Variants in ADAMTS17 observed in about 807,000 individuals in gnomAD.
The protein encoded by ADAMTS17 is A disintegrin and metalloproteinase with thrombospondin motifs 17.
ADAMTS17 carries 113 observed loss-of-function variants against 141.5 expected under a neutral mutation model. The observed-to-expected ratio is 0.80, with a 90% CI of 0.69 to 0.93. The LOEUF (loss-of-function observed/expected upper bound fraction) is 0.93. Among genes scored for constraint, ADAMTS17 ranks in the 40% least tolerant of loss-of-function variants. The pLI, the probability that ADAMTS17 is intolerant of heterozygous loss-of-function variation, is 0.00. For missense variants in ADAMTS17, 1,659 were observed against 1,517.9 expected (o/e 1.09, Z -1.54); for synonymous variants, 768 against 630.6 (o/e 1.22, Z -3.27).
chr15:100,047,591 A>G (rs1319335301), intron 18 of ADAMTS17, among the ~76,000 whole-genome samples: 3 of 152,096 alleles, frequency 2.0e-5, no homozygotes, highest in African/African-American at 7.2e-5. Flanking sequence ...AGGTTCCCCA[A>G]TAAAAACATG....
At chr15:100,310,157 CA>C (rs1175640988) in intron 3 of ADAMTS17, among the ~76,000 whole-genome samples, 2 of 152,152 alleles carry the variant, frequency 1.3e-5, no homozygotes, top group Middle Eastern at 3.2e-3. Flanking sequence ...CACTCTGCAC[CA>C]ACAAGATGAT....
intron 13 of ADAMTS17, among the ~76,000 whole-genome samples, chr15:100,109,335 ATCTC>A (rs1202655681): frequency 6.6e-6 from 1 of 152,068 alleles, no homozygotes; most frequent in Non-Finnish European, 1.5e-5. Context: ...GCCTTCTCTC[ATCTC>A]TCTATCCTTT....
intron 7 of ADAMTS17, among the ~76,000 whole-genome samples, chr15:100,200,758 A>G (rs8026357): frequency 0.26 from 39,152 of 152,090 alleles, 5,460 homozygotes; most frequent in East Asian, 0.41. Context: ...CATGCCCTGG[A>G]TGGGCTGTGG....
intron 13 of ADAMTS17, among the ~76,000 whole-genome samples, chr15:100,114,673 T>G (rs2037000339): frequency 6.6e-6 from 1 of 152,136 alleles, no homozygotes; most frequent in Non-Finnish European, 1.5e-5. Context: ...GCGGTGGCAC[T>G]CTAGTGACAA....
Position 100,048,904 on chromosome 15 carries a change from G to T in ADAMTS17, c.2544C>A (p.Arg848=), listed in dbSNP as rs2031921390. ...TGCACCTTCGGACCTGGGGCTCTGG[G>T]CGGCTTGCTTGAGGGCAGTCACTGT... The part of the protein sequence containing the change: ...VNDSDCPQAS[R]PEPQVRRCNL... Residue 848 remains arginine, a synonymous_variant, in exon 18 of 22, where the codon CGC becomes CGA. Transcript: ENST00000268070. The T allele has an allele frequency of 6.2e-7, 1 of 1,614,092 alleles. No individual in the cohort carries two copies. The highest frequency in any genetic ancestry group is 1.3e-5 in the African/African-American group (1 of 74,932).
rs112871467 is a variant in ADAMTS17, at chr15:100,089,846, G to C, written c.2137+6510C>G. On this transcript the variant is annotated intron_variant, in intron 15 of 21. Coordinates refer to ENST00000268070, the MANE Select transcript of ADAMTS17 (RefSeq NM_139057.4). ...GGGGACTGTTGTGGGGTTGGGGGAGGGGGGAGGGATAGCATTAGGAGATAT... is the reference window on the plus strand; with the variant it reads ...GGGGACTGTTGTGGGGTTGGGGGAGCGGGGAGGGATAGCATTAGGAGATAT... 3.8e-5 allele frequency among the ~76,000 whole-genome samples: 5 copies of C among 131,046 alleles called. 1 individual carries two copies. The highest frequency in any genetic ancestry group is 8.9e-5 in the African/African-American group (3 of 33,576). The allele number at this position is 131,046 out of a possible 152,430, so 86.0% of individuals were successfully genotyped here. A position where few individuals can be genotyped will look rare whatever the true frequency, so the allele number is the denominator to read the frequency against.
At chr15:100,214,868 C>T (rs2041921284) in intron 7 of ADAMTS17, among the ~76,000 whole-genome samples, 1 of 152,244 alleles carries the variant, frequency 6.6e-6, no homozygotes. Flanking sequence ...ACAACGACAC[C>T]ATGAAAGAGT....
rs75721095 is a variant in ADAMTS17 at position 100,264,079 on chromosome 15, C to A, written c.790-1644G>T. Among the ~76,000 whole-genome samples, 685 of 152,328 alleles carry A rather than the reference C, an allele frequency of 4.5e-3. 7 individuals carry two copies. Among genetic ancestry groups the A allele is most frequent in the African/African-American group, 0.015 (626 of 41,576 alleles). On this transcript the variant is annotated intron_variant, in intron 4 of 21. Coordinates refer to ENST00000268070, the MANE Select transcript of ADAMTS17 (RefSeq NM_139057.4). ...TTAAAAAAAACCTATCTTTGTGTGA[C>A]GTAATATTCTTTCACACAAGGAAAA...
chr15:100,252,757 T>C (rs1406392194), intron 7 of ADAMTS17, among the ~76,000 whole-genome samples: 3 of 152,080 alleles, frequency 2.0e-5, no homozygotes, highest in Admixed American at 6.6e-5. Flanking sequence ...GCAGGAGGAG[T>C]TGGCTGGTTG....
rs565199812 is a variant in ADAMTS17 at position 100,314,840 on chromosome 15, A to G, written c.616+16049T>C. Among the ~76,000 whole-genome samples, 132 of 152,320 alleles carry G rather than the reference A, an allele frequency of 8.7e-4. 1 individual carries two copies. Among genetic ancestry groups the G allele is most frequent in the African/African-American group, 3.0e-3 (125 of 41,572 alleles). ...AGATATGCCGAGTGGGACTGCTCCC[A>G]GCTGGAGCCAGGAAGGATCCCAAGG... On this transcript the variant is annotated intron_variant, in intron 3 of 21. Transcript: ENST00000268070.
chr15:100,059,798 G>C (rs2032974011), intron 15 of ADAMTS17, among the ~76,000 whole-genome samples: 2 of 152,162 alleles, frequency 1.3e-5, no homozygotes, highest in African/African-American at 4.8e-5. Context: ...AGGCCTATGA[G>C]GCCCATGAGG....
At chr15:100,120,105 T>C (rs981984323) in intron 12 of ADAMTS17, among the ~76,000 whole-genome samples, 2 of 152,182 alleles carry the variant, frequency 1.3e-5, no homozygotes, top group Non-Finnish European at 2.9e-5. Flanking sequence ...GATCTTAAAA[T>C]GACCAACAGA....
rs34356112 is a variant in ADAMTS17, at chr15:100,093,403, G to A, written c.2137+2953C>T. ...GTGGAGTTTCTCTTTGATATTCACCGTTAAGGGTGATAAGGCACTCCTCCT... is the reference window on the plus strand; with the variant it reads ...GTGGAGTTTCTCTTTGATATTCACCATTAAGGGTGATAAGGCACTCCTCCT... On this transcript the variant is annotated intron_variant, in intron 15 of 21. Transcript: ENST00000268070. Among the ~76,000 whole-genome samples the A allele has an allele frequency of 5.9e-5, 9 of 151,918 alleles. No individual in the cohort carries two copies. The East Asian group carries it at 1.2e-3, about 20-fold the overall frequency.
chr15:100,160,815 C>A (rs139173917), intron 8 of ADAMTS17, among the ~76,000 whole-genome samples: 6 of 152,272 alleles, frequency 3.9e-5, no homozygotes, highest in Non-Finnish European at 5.9e-5. Flanking sequence ...ACATGCCAAG[C>A]GGCTCATCAC....
intron 7 of ADAMTS17, among the ~76,000 whole-genome samples, chr15:100,234,373 G>C (rs562821355): frequency 5.9e-5 from 9 of 152,326 alleles, no homozygotes; most frequent in Non-Finnish European, 1.0e-4. Context: ...GCATATGGTA[G>C]TCCAGTCCTG....
At chr15:100,144,210 A>C (rs1471994842) in intron 10 of ADAMTS17, among the ~76,000 whole-genome samples, 3 of 152,222 alleles carry the variant, frequency 2.0e-5, no homozygotes, top group African/African-American at 7.2e-5. Flanking sequence ...TGAAGAGTCT[A>C]AACAGTATTT....
At chr15:99,998,457 A>T (rs1224952045) in intron 18 of ADAMTS17, among the ~76,000 whole-genome samples, 1 of 151,890 alleles carries the variant, frequency 6.6e-6, no homozygotes, top group Non-Finnish European at 1.5e-5. Flanking sequence ...ACACAAAATT[A>T]TCCAGGCGTG....
chr15:100,101,589 CTG>C (rs1443467299), intron 14 of ADAMTS17, among the ~76,000 whole-genome samples: 4 of 152,236 alleles, frequency 2.6e-5, no homozygotes, highest in Non-Finnish European at 4.4e-5. Context: ...ACATAGAGGA[CTG>C]TGTCTGAGAA....
At chr15:100,047,164 G>C (rs1439429923) in intron 18 of ADAMTS17, among the ~76,000 whole-genome samples, 1 of 151,330 alleles carries the variant, frequency 6.6e-6, no homozygotes, top group Non-Finnish European at 1.5e-5. Context: ...GGCTTATTAG[G>C]ATGAGGAAAT....
Sources: gnomAD v4.1 joint callset for allele counts (sites outside exome capture counted in the v4.1 genomes callset) on GRCh38, gnomAD v4.1.1 for gene constraint, MANE v1.5 for transcripts, NCBI Gene and HGNC (gene_info 2026-07-23, HGNC 2026-07-21) for gene names.